CDK14: variants seen among roughly 807,000 people sequenced by gnomAD.
CDK14 encodes cyclin dependent kinase 14, also known as cyclin-dependent kinase 14.
A neutral mutation model predicts 60.7 loss-of-function variants in CDK14; 34 were observed. The observed-to-expected ratio is 0.56, with a 90% CI of 0.43 to 0.75. The LOEUF (loss-of-function observed/expected upper bound fraction) is 0.75. Ranked by LOEUF, CDK14 falls within the 30% of genes least tolerant of loss-of-function variation. The pLI, the probability that CDK14 is intolerant of heterozygous loss-of-function variation, is 0.00. For synonymous variants in CDK14, 197 were observed against 203.7 expected (o/e 0.97, Z 0.28); for missense variants, 482 against 564.1 (o/e 0.85, Z 1.47).
intron 14 of CDK14, among the ~76,000 whole-genome samples, chr7:91,199,358 T>C (rs1457145437): frequency 6.6e-6 from 1 of 152,182 alleles, no homozygotes; most frequent in African/African-American, 2.4e-5. Flanking sequence ...AAACATGCCT[T>C]GGTGTATCTA....
intron 2 of CDK14, among the ~76,000 whole-genome samples, chr7:90,706,264 C>T (rs1350528806): frequency 3.3e-5 from 5 of 152,160 alleles, no homozygotes; most frequent in African/African-American, 1.2e-4. Flanking sequence ...GCTTTGCGCT[C>T]TCCCTGCTCT....
chr7:90,748,158 G>T (rs1015460362), intron 4 of CDK14, among the ~76,000 whole-genome samples: 1 of 151,828 alleles, frequency 6.6e-6, no homozygotes, highest in Non-Finnish European at 1.5e-5. Flanking sequence ...CCATTCTTGG[G>T]GTCTTTTTAA....
chr7:90,757,434 A>G (rs1312627691), intron 4 of CDK14, among the ~76,000 whole-genome samples: 1 of 152,152 alleles, frequency 6.6e-6, no homozygotes, highest in Non-Finnish European at 1.5e-5. Context: ...AGTTCAATCC[A>G]TAACACTTAC....
chr7:90,638,500 G>A (rs1800219188), intron 2 of CDK14, among the ~76,000 whole-genome samples: 4 of 152,172 alleles, frequency 2.6e-5, no homozygotes, highest in South Asian at 2.1e-4. Flanking sequence ...CGAGAGATCC[G>A]CTGTTAGTCT....
intron 4 of CDK14, among the ~76,000 whole-genome samples, chr7:90,781,151 T>C (rs896310383): frequency 1.3e-5 from 2 of 152,250 alleles, no homozygotes; most frequent in African/African-American, 4.8e-5. Flanking sequence ...TTGATTTGCA[T>C]TTCTCTGATA....
intron 5 of CDK14, among the ~76,000 whole-genome samples, chr7:90,792,649 T>G (rs1805879847): frequency 6.6e-6 from 1 of 152,176 alleles, no homozygotes; most frequent in Admixed American, 6.6e-5. Context: ...GTTCTGTCTC[T>G]CCACTGCCAC....
chr7:91,142,401 C>T (rs1423388996), intron 14 of CDK14, among the ~76,000 whole-genome samples: 2 of 152,188 alleles, frequency 1.3e-5, no homozygotes, highest in African/African-American at 4.8e-5. Flanking sequence ...TTTACCTTCA[C>T]CTTCTGTGTT....
rs142619671 is a variant in CDK14, at chr7:90,882,262, C to CAAAAAA, written c.640-17018_640-17013dup. 9.8e-4 allele frequency among the ~76,000 whole-genome samples: 114 copies of CAAAAAA among 116,590 alleles called. 3 individuals carry two copies. Among genetic ancestry groups the CAAAAAA allele is most frequent in the African/African-American group, 3.7e-3 (111 of 30,404 alleles). The allele number at this position is 116,590 out of a possible 152,430, so 76.5% of individuals were successfully genotyped here. On this transcript the variant is annotated intron_variant, in intron 6 of 14. Coordinates refer to ENST00000380050, the MANE Select transcript of CDK14 (RefSeq NM_001287135.2). ...GGAAATTTACCAAGCAAATGGAAAG[C>CAAAAAA]AAAAAAAAAAAAAAAAGCAGGGATT...
At chr7:90,735,962 C>T (rs763741164) in intron 3 of CDK14, among the ~76,000 whole-genome samples, 3 of 152,196 alleles carry the variant, frequency 2.0e-5, no homozygotes, top group Non-Finnish European at 4.4e-5. Context: ...GCCTAGGCAC[C>T]GGCGGGAATC....
intron 11 of CDK14, among the ~76,000 whole-genome samples, chr7:91,056,858 A>G (rs1480074698): frequency 6.6e-6 from 1 of 152,178 alleles, no homozygotes; most frequent in Non-Finnish European, 1.5e-5. Flanking sequence ...GAATAGTGCC[A>G]CAATAAACAT....
Position 90,649,361 on chromosome 7 carries a change from CTTCCT to C in CDK14, c.123+45119_123+45123del, listed in dbSNP as rs1384884165. ...CCTTCCTTCCTTCCTTCCTTCCTTC[CTTCCT>C]TTCCTTCCTTCCTTCCTTCCTTCCT... is the stretch of plus-strand genomic sequence containing the variant. On this transcript the variant is annotated intron_variant, in intron 2 of 14. Transcript: ENST00000380050. Among the ~76,000 whole-genome samples, 204 of 39,512 alleles carry C rather than the reference CTTCCT, an allele frequency of 5.2e-3. 7 individuals carry two copies. Among genetic ancestry groups the C allele is most frequent in the African/African-American group, 0.018 (118 of 6,428 alleles). 25.9% of individuals were successfully genotyped at this position (39,512 alleles called of 152,430 possible). A position where few individuals can be genotyped will look rare whatever the true frequency, so the allele number is the denominator to read the frequency against.
At chr7:90,741,506 A>G (rs1803343855) in intron 3 of CDK14, among the ~76,000 whole-genome samples, 1 of 152,198 alleles carries the variant, frequency 6.6e-6, no homozygotes, top group Non-Finnish European at 1.5e-5. Flanking sequence ...GACTTCAACC[A>G]TTGAGCCTTT....
intron 2 of CDK14, among the ~76,000 whole-genome samples, chr7:90,648,086 G>T (rs1232153388): frequency 6.6e-6 from 1 of 152,046 alleles, no homozygotes; most frequent in Non-Finnish European, 1.5e-5. Flanking sequence ...ATAAACATCT[G>T]TTCTCTCACA....
intron 2 of CDK14, among the ~76,000 whole-genome samples, chr7:90,700,938 G>C (rs1352831235): frequency 6.6e-6 from 1 of 152,122 alleles, no homozygotes; most frequent in African/African-American, 2.4e-5. Flanking sequence ...TAAATGGTTG[G>C]TAAATGAATA....
chr7:90,879,252 T>A (rs1030601162), intron 6 of CDK14, among the ~76,000 whole-genome samples: 3 of 152,248 alleles, frequency 2.0e-5, no homozygotes, highest in African/African-American at 7.2e-5. Flanking sequence ...TGTATGTTTA[T>A]GTGTATACTA....
chr7:91,020,986 G>T (rs1053257813), intron 10 of CDK14, among the ~76,000 whole-genome samples: 1 of 152,138 alleles, frequency 6.6e-6, no homozygotes, highest in Non-Finnish European at 1.5e-5. Flanking sequence ...GCTACAGGCT[G>T]TTCTCAGCTC....
rs533579942 is a variant in CDK14 at position 91,181,405 on chromosome 7, T to A, written c.*29-25760T>A. ...GTAGATCAAGAATTTTGATCAGATT[T>A]AGGTTTAATTTTTTTTAAGGCAAAA... On this transcript the variant is annotated intron_variant, in intron 14 of 14. Coordinates refer to ENST00000380050, the MANE Select transcript of CDK14 (RefSeq NM_001287135.2). Among the ~76,000 whole-genome samples, 4 of 152,300 alleles carry A rather than the reference T, an allele frequency of 2.6e-5. No individual in the cohort carries two copies. In the East Asian group the frequency reaches 5.8e-4, roughly 22 times the overall value.
chr7:91,115,692 A>G (rs1188504159), intron 13 of CDK14, among the ~76,000 whole-genome samples: 3 of 152,196 alleles, frequency 2.0e-5, no homozygotes, highest in Non-Finnish European at 2.9e-5. Flanking sequence ...TTCTTGGCCT[A>G]GTGTAATATG....
intron 14 of CDK14, among the ~76,000 whole-genome samples, chr7:91,156,677 T>C (rs965195320): frequency 6.6e-6 from 1 of 152,226 alleles, no homozygotes; most frequent in Non-Finnish European, 1.5e-5. Context: ...GGGAGGATTA[T>C]TTTTTAAATC....
Sources: allele counts gnomAD v4.1 joint callset (sites outside exome capture counted in the v4.1 genomes callset), GRCh38; gene constraint gnomAD v4.1.1; transcripts MANE v1.5; gene names NCBI Gene and HGNC (gene_info 2026-07-23, HGNC 2026-07-21).